The following RAPGEF5 variants were observed in gnomAD, a reference collection of about 807,000 sequenced individuals.
RAPGEF5 encodes the protein M-Ras-regulated GEF.
A neutral mutation model predicts 125.2 loss-of-function variants in RAPGEF5; 65 were observed. The observed-to-expected ratio is 0.52, with a 90% CI of 0.43 to 0.64. The LOEUF is 0.64. Among genes scored for constraint, RAPGEF5 ranks in the 30% least tolerant of loss-of-function variants. The pLI is 0.00. For synonymous variants in RAPGEF5, 391 were observed against 385.9 expected (o/e 1.01, Z -0.16); for missense variants, 958 against 1,048.1 (o/e 0.91, Z 1.19).
intron 5 of RAPGEF5, among the ~76,000 whole-genome samples, chr7:22,296,028 A>T (rs1317601600): frequency 1.3e-5 from 2 of 151,620 alleles, no homozygotes; most frequent in Non-Finnish European, 2.9e-5. Context: ...AAGGAGGCAG[A>T]AGTGAGGGGT....
At chr7:22,201,459 A>C (rs1189957811) in intron 9 of RAPGEF5, among the ~76,000 whole-genome samples, 1 of 152,186 alleles carries the variant, frequency 6.6e-6, no homozygotes, top group Non-Finnish European at 1.5e-5. Context: ...GTTTCCAGAG[A>C]CGCTTGTGTT....
At chr7:22,303,556 A>T (rs538061255) in intron 5 of RAPGEF5, among the ~76,000 whole-genome samples, 1 of 152,340 alleles carries the variant, frequency 6.6e-6, no homozygotes, top group African/African-American at 2.4e-5. Flanking sequence ...TATTTTGAAG[A>T]CACTTAGAAG....
chr7:22,219,753 A>G lies in RAPGEF5; in HGVS notation c.996+113T>C. ...GGAGGATGCTCTTGGGGGGAAAAAA[A>G]CCCCCAAAACCTAAAGAATTTAAAA... On this transcript the variant is annotated intron_variant, in intron 9 of 25. Transcript: ENST00000665637. 3.6e-6 allele frequency: 5 copies of G among 1,380,978 alleles called. No homozygotes were observed. The South Asian group carries it at 7.1e-5, about 20-fold the overall frequency. 85.5% of individuals were successfully genotyped at this position (1,380,978 alleles called of 1,614,324 possible). A position where few individuals can be genotyped will look rare whatever the true frequency, so the allele number is the denominator to read the frequency against.
chr7:22,239,575 T>C (rs924349874), intron 7 of RAPGEF5, among the ~76,000 whole-genome samples: 5 of 151,914 alleles, frequency 3.3e-5, no homozygotes, highest in Non-Finnish European at 5.9e-5. Flanking sequence ...GCCTTACTGA[T>C]TGCATGATTT....
At chr7:22,221,836 T>C (rs972217100) in intron 8 of RAPGEF5, among the ~76,000 whole-genome samples, 1 of 152,192 alleles carries the variant, frequency 6.6e-6, no homozygotes, top group Non-Finnish European at 1.5e-5. Context: ...AGCAGACTAA[T>C]ACAATATCCC....
At chr7:22,141,094 G>C (rs949899607) in intron 20 of RAPGEF5, among the ~76,000 whole-genome samples, 2 of 150,554 alleles carry the variant, frequency 1.3e-5, no homozygotes, top group Non-Finnish European at 3.0e-5. Context: ...GATCTTGCCT[G>C]CTTCTTCAGT....
chr7:22,260,266 A>C (rs1326823049), intron 7 of RAPGEF5, among the ~76,000 whole-genome samples: 2 of 152,184 alleles, frequency 1.3e-5, no homozygotes, highest in Non-Finnish European at 2.9e-5. Context: ...GTGAGCCCTA[A>C]ACTATGGACT....
At chr7:22,296,290 T>C (rs1177640814) in intron 5 of RAPGEF5, among the ~76,000 whole-genome samples, 1 of 152,116 alleles carries the variant, frequency 6.6e-6, no homozygotes, top group East Asian at 1.9e-4. Flanking sequence ...TGACTGGCAT[T>C]AAAAAGACAG....
At chr7:22,168,826 G>C (rs563158471) in intron 11 of RAPGEF5, among the ~76,000 whole-genome samples, 2 of 152,264 alleles carry the variant, frequency 1.3e-5, no homozygotes, top group South Asian at 4.1e-4. Context: ...TTTTTCAAAA[G>C]TTTGCTTTTT....
At chr7:22,300,485 T>C (rs1009977083) in intron 5 of RAPGEF5, among the ~76,000 whole-genome samples, 2 of 152,228 alleles carry the variant, frequency 1.3e-5, no homozygotes, top group African/African-American at 4.8e-5. Flanking sequence ...TTCCTGATTA[T>C]TTTGTGTCAA....
rs547048897 is a variant in RAPGEF5 at position 22,288,859 on chromosome 7, C to T, written c.747+2316G>A. 3.9e-5 allele frequency among the ~76,000 whole-genome samples: 6 copies of T among 152,360 alleles called. No homozygotes were observed. In the South Asian group the frequency reaches 1.2e-3, roughly 32 times the overall value. On this transcript the variant is annotated intron_variant, in intron 6 of 25. Transcript: ENST00000665637. Reference sequence around the variant, plus strand: ...AGCCTCTAACCAATCTCCCTATCTTCAACTTATCTTCACTCTTGAACATCT... The same window carrying T: ...AGCCTCTAACCAATCTCCCTATCTTTAACTTATCTTCACTCTTGAACATCT...
chr7:22,189,921 C>G (rs181315818), intron 11 of RAPGEF5, among the ~76,000 whole-genome samples: 12 of 152,256 alleles, frequency 7.9e-5, no homozygotes, highest in Non-Finnish European at 1.6e-4. Context: ...AAATAAAGAC[C>G]CAAATGCCTG....
intron 11 of RAPGEF5, among the ~76,000 whole-genome samples, chr7:22,172,754 A>G (rs910446902): frequency 1.3e-5 from 2 of 152,218 alleles, no homozygotes; most frequent in African/African-American, 2.4e-5. Flanking sequence ...ACAAAAAACA[A>G]AAACAAAACC....
chr7:22,132,378 CTTTT>C (rs33968264), intron 23 of RAPGEF5, among the ~76,000 whole-genome samples: 3 of 148,034 alleles, frequency 2.0e-5, no homozygotes, highest in Admixed American at 1.3e-4. Context: ...CCTTTCCTCT[CTTTT>C]TTTTTTTTTG....
At chr7:22,177,489 C>A (rs1260081202) in intron 11 of RAPGEF5, among the ~76,000 whole-genome samples, 1 of 152,124 alleles carries the variant, frequency 6.6e-6, no homozygotes, top group East Asian at 1.9e-4. Flanking sequence ...CTTCAATGGG[C>A]AAGGAGAAAA....
At chr7:22,185,017 G>T (rs887369430) in intron 11 of RAPGEF5, among the ~76,000 whole-genome samples, 8 of 152,134 alleles carry the variant, frequency 5.3e-5, no homozygotes, top group Admixed American at 2.6e-4. Flanking sequence ...CAAGAAGCAG[G>T]TCTTTGTGCT....
chr7:22,282,541 C>T (rs952481439), intron 6 of RAPGEF5, among the ~76,000 whole-genome samples: 1 of 152,132 alleles, frequency 6.6e-6, no homozygotes, highest in Non-Finnish European at 1.5e-5. Context: ...ACTGTGTTTT[C>T]AACCCACATA....
chr7:22,341,426 A>G (rs979850816), intron 1 of RAPGEF5, among the ~76,000 whole-genome samples: 2 of 151,910 alleles, frequency 1.3e-5, no homozygotes, highest in African/African-American at 4.8e-5. Flanking sequence ...CCCCTCCCAA[A>G]TCTCATGTCC....
chr7:22,315,140 A>G (rs755248663), intron 3 of RAPGEF5, among the ~76,000 whole-genome samples: 1 of 152,186 alleles, frequency 6.6e-6, no homozygotes, highest in Non-Finnish European at 1.5e-5. Context: ...GAGCCCATCC[A>G]CACTTGGGGC....
Sources: gnomAD v4.1 joint callset for allele counts (sites outside exome capture counted in the v4.1 genomes callset) on GRCh38, gnomAD v4.1.1 for gene constraint, MANE v1.5 for transcripts, NCBI Gene and HGNC (gene_info 2026-07-23, HGNC 2026-07-21) for gene names.